Variants in TGFBR3 observed in about 807,000 individuals in gnomAD.
TGFBR3 encodes the protein transforming growth factor beta receptor type 3.
A neutral mutation model predicts 87.9 loss-of-function variants in TGFBR3; 46 were observed. The observed-to-expected ratio is 0.52, with a 90% confidence interval of 0.41 to 0.67. The LOEUF is 0.67. Ranked by LOEUF, TGFBR3 falls within the 30% of genes least tolerant of loss-of-function variation. TGFBR3 has a pLI of 0.00. For synonymous variants in TGFBR3, 381 were observed against 391.6 expected (o/e 0.97, Z 0.32); for missense variants, 866 against 1,041.9 (o/e 0.83, Z 2.32).
chr1:91,812,496 T>C (rs765316448), intron 2 of TGFBR3, among the ~76,000 whole-genome samples: 1 of 152,228 alleles, frequency 6.6e-6, no homozygotes, highest in Non-Finnish European at 1.5e-5. Flanking sequence ...TCGCTTATTG[T>C]ATATTTTTCT....
At chr1:91,797,264 TGA>T in intron 3 of TGFBR3, 21 bp downstream of exon 3, 1 of 1,612,742 alleles carries the variant, frequency 6.2e-7, no homozygotes, top group Non-Finnish European at 8.5e-7. Context: ...GGCAGTGGGC[TGA>T]GAGCTGACAC....
rs541246458 is a variant in TGFBR3 at position 91,806,000 on chromosome 1, C to T, written c.62-8529G>A. 2.6e-5 allele frequency among the ~76,000 whole-genome samples: 4 copies of T among 152,310 alleles called. No individual in the cohort carries two copies. In the South Asian group the frequency reaches 8.3e-4, roughly 32 times the overall value. ...GTTCCTCGCCTCAGGACTGGGTGAA[C>T]AGATGCATAGGCCAAATGTAAACAT... On this transcript the variant is annotated intron_variant, in intron 2 of 16. Coordinates refer to ENST00000212355, the MANE Select transcript of TGFBR3 (RefSeq NM_003243.5).
chr1:91,807,666 G>A (rs150232366), intron 2 of TGFBR3, among the ~76,000 whole-genome samples: 1 of 152,304 alleles, frequency 6.6e-6, no homozygotes, highest in East Asian at 1.9e-4. Flanking sequence ...CAATCTGGAC[G>A]TGCCAACAGA....
chr1:91,747,945 C>G (rs140215754), intron 4 of TGFBR3, among the ~76,000 whole-genome samples: 1 of 152,208 alleles, frequency 6.6e-6, no homozygotes, highest in African/African-American at 2.4e-5. Context: ...TGTAATAAAT[C>G]TCTTCATATA....
In TGFBR3 at chr1:91,695,790, G is replaced by C. The variant is rs369117623; in HGVS notation, c.2330-11C>G. 1.2e-5 allele frequency: 20 copies of C among 1,611,786 alleles called. No homozygotes were observed. In the African/African-American group the frequency reaches 2.7e-4, roughly 22 times the overall value. On this transcript the variant is annotated splice_polypyrimidine_tract_variant and intron_variant, in intron 15 of 16. Coordinates refer to ENST00000212355, the MANE Select transcript of TGFBR3 (RefSeq NM_003243.5). ...GACCATGGAAAATTGCTATAAAGGA[G>C]AGAAACCGATACACACAACTTTTTG...
intron 1 of TGFBR3, among the ~76,000 whole-genome samples, chr1:91,872,663 G>A (rs1023200110): frequency 6.6e-6 from 1 of 152,266 alleles, no homozygotes; most frequent in Admixed American, 6.5e-5. Context: ...AGGAAATTCT[G>A]CCCTGTTTCC....
At chr1:91,717,874 C>CTT (rs56325630) in intron 10 of TGFBR3, among the ~76,000 whole-genome samples, 42 of 146,292 alleles carry the variant, frequency 2.9e-4, no homozygotes, top group Non-Finnish European at 4.9e-4. Context: ...AAGCAACTGA[C>CTT]TTTTTTTTTT....
At chr1:91,748,064 C>T (rs2100862378) in intron 4 of TGFBR3, among the ~76,000 whole-genome samples, 1 of 152,332 alleles carries the variant, frequency 6.6e-6, no homozygotes, top group Non-Finnish European at 1.5e-5. Flanking sequence ...GGCCCAGGAA[C>T]CACAGACCTA....
intron 9 of TGFBR3, 130 bp downstream of exon 9, chr1:91,719,763 C>G (rs935917707): frequency 9.3e-7 from 1 of 1,072,950 alleles, no homozygotes; most frequent in Non-Finnish European, 1.4e-6. Context: ...TAGGCCCATC[C>G]AACTGAGAAA....
At position 91,895,204 on chromosome 1, in the gene TGFBR3, C is replaced by A. The variant is rs147784845; in HGVS notation, c.-114+4433G>T. 1.7e-3 allele frequency among the ~76,000 whole-genome samples: 258 copies of A among 152,230 alleles called. 1 individual carries two copies. Among genetic ancestry groups the A allele is most frequent in the African/African-American group, 5.8e-3 (240 of 41,532 alleles). ...GTGGGAGGTGATTGGATCATGAAGG[C>A]GAATTTCTCATGAATGGTTTAGTAT... On this transcript the variant is annotated intron_variant, in intron 2 of 17. Transcript: ENST00000370399.
At chr1:91,900,255 A>C (rs1283876611) in intron 1 of TGFBR3, among the ~76,000 whole-genome samples, 1 of 152,134 alleles carries the variant, frequency 6.6e-6, no homozygotes, top group East Asian at 1.9e-4. Context: ...CTGGGACTAC[A>C]GGCGTGTGCC....
chr1:91,687,319 G>C (rs974298960), intron 16 of TGFBR3, among the ~76,000 whole-genome samples: 1 of 152,154 alleles, frequency 6.6e-6, no homozygotes, highest in South Asian at 2.1e-4. Context: ...AACAGAGAGA[G>C]ACCCTGTCTC....
chr1:91,742,714 T>C (rs890160181), intron 4 of TGFBR3, among the ~76,000 whole-genome samples: 1 of 152,198 alleles, frequency 6.6e-6, no homozygotes, highest in Admixed American at 6.5e-5. Context: ...AGTAAACGTT[T>C]GTTGAAGGGG....
chr1:91,691,064 C>G (rs149294179), intron 16 of TGFBR3, among the ~76,000 whole-genome samples: 75 of 151,704 alleles, frequency 4.9e-4, no homozygotes, highest in Non-Finnish European at 9.7e-4. Context: ...AAATTTGAAG[C>G]CAGTATTAAA....
intron 2 of TGFBR3, 130 bp from the exon 3 acceptor site, chr1:91,797,601 T>A: frequency 2.1e-6 from 2 of 958,894 alleles, no homozygotes; most frequent in African/African-American, 1.6e-5. Flanking sequence ...CAAGACTAAG[T>A]GGCCAAAAAG....
At chr1:91,874,540 C>G (rs1389612929) in intron 1 of TGFBR3, among the ~76,000 whole-genome samples, 2 of 152,202 alleles carry the variant, frequency 1.3e-5, no homozygotes, top group African/African-American at 4.8e-5. Flanking sequence ...ACTCTGTCAC[C>G]AGACTGGAGT....
chr1:91,879,077 T>C (rs183620753), intron 1 of TGFBR3, among the ~76,000 whole-genome samples: 1 of 152,156 alleles, frequency 6.6e-6, no homozygotes, highest in Non-Finnish European at 1.5e-5. Flanking sequence ...GAGACCAGCC[T>C]GGACAACATG....
At chr1:91,860,934 C>CAA (rs3039477) in intron 2 of TGFBR3, among the ~76,000 whole-genome samples, 1,248 of 35,646 alleles carry the variant, frequency 0.035, 343 homozygotes, top group Non-Finnish European at 0.048. Context: ...TCTGTCTCCA[C>CAA]AAAAAAAAAA....
At chr1:91,842,510 C>T (rs1249584945) in intron 2 of TGFBR3, among the ~76,000 whole-genome samples, 2 of 152,192 alleles carry the variant, frequency 1.3e-5, no homozygotes, top group Non-Finnish European at 2.9e-5. Flanking sequence ...CAAGTCACTG[C>T]CTCAAAAGAA....
Sources: gnomAD v4.1 joint callset for allele counts (sites outside exome capture counted in the v4.1 genomes callset) on GRCh38, gnomAD v4.1.1 for gene constraint, MANE v1.5 for transcripts, NCBI Gene and HGNC (gene_info 2026-07-23, HGNC 2026-07-21) for gene names.